ZNF875: variants seen among roughly 807,000 people sequenced by gnomAD.
The protein encoded by ZNF875 is HKR1, GLI-Kruppel zinc finger family member.
A neutral mutation model predicts 11.2 loss-of-function variants in ZNF875; 14 were observed. The ratio of observed to expected loss-of-function variants is 1.26; its 90% CI spans 0.83 to 1.96. The LOEUF is 1.96. Ranked by LOEUF, ZNF875 falls within the 30% of genes most tolerant of loss-of-function variation. ZNF875 has a pLI of 0.00. For missense variants in ZNF875, 752 were observed against 760.4 expected, an observed-to-expected ratio of 0.99 and a Z score of 0.13; for synonymous variants, 301 against 281.1, an observed-to-expected ratio of 1.07 and a Z score of -0.71.
At chr19:37,346,062 C>T (rs995388516) in intron 2 of ZNF875, among the ~76,000 whole-genome samples, 36 of 152,114 alleles carry the variant, frequency 2.4e-4, no homozygotes, top group African/African-American at 8.7e-4. Flanking sequence ...CAGCCATGCA[C>T]ATGGAACTGA....
intron 2 of ZNF875, chr19:37,337,861 A>T (rs1303197031): frequency 6.6e-6 from 1 of 152,152 alleles, no homozygotes; most frequent in East Asian, 1.9e-4. Flanking sequence ...GTCATTTTTG[A>T]TATGGGTTAA....
upstream of ZNF875, chr19:37,315,598 C>T (rs893695643): frequency 6.6e-6 from 1 of 152,014 alleles, no homozygotes; most frequent in African/African-American, 2.4e-5. Flanking sequence ...GATAACCACA[C>T]AAAAGAGGAG....
Position 37,362,500 on chromosome 19 carries a change from T to C in ZNF875, c.648T>C (p.His216=), listed in dbSNP as rs778981164. The C allele has an allele frequency of 8.7e-5, 141 of 1,614,082 alleles. No homozygotes were observed. Among genetic ancestry groups the C allele is most frequent in the Non-Finnish European group, 1.2e-4 (139 of 1,180,038 alleles). The change falls in exon 5 of 5, where the codon CAT becomes CAC. Residue 216 remains histidine, a synonymous_variant. Coordinates refer to ENST00000392153, the MANE Select transcript of ZNF875 (RefSeq NM_001353803.2). ...ADLEETDKVL[H]GLEVSGFGEI... is the part of the protein sequence containing the mutation. ...TAGAGGAAACAGACAAAGTATTGCATGGTTTAGAAGTCTCAGGATTTGGAG... is the reference window on the plus strand; with the variant it reads ...TAGAGGAAACAGACAAAGTATTGCACGGTTTAGAAGTCTCAGGATTTGGAG...
At chr19:37,340,806 G>A (rs748759220) in intron 2 of ZNF875, among the ~76,000 whole-genome samples, 3 of 151,764 alleles carry the variant, frequency 2.0e-5, no homozygotes, top group Middle Eastern at 3.4e-3. Flanking sequence ...CGACCACCAC[G>A]CCCGGCTAAT....
At chr19:37,334,941 C>T (rs1305401656) in intron 1 of ZNF875, 159 bp downstream of exon 1, 5 of 468,670 alleles carry the variant, frequency 1.1e-5, no homozygotes, top group Non-Finnish European at 2.0e-5. Flanking sequence ...TAGAGATAAA[C>T]CCTCACTCCG....
upstream of ZNF875, chr19:37,334,620 C>A (rs1263447068): frequency 2.2e-6 from 1 of 453,570 alleles, no homozygotes; most frequent in Admixed American, 2.4e-5. Context: ...CCTCCCTACC[C>A]TTCAGTGTGT....
Position 37,362,748 on chromosome 19 carries a change from C to T in ZNF875, c.896C>T (p.Thr299Ile). The change falls in exon 5 of 5, where the codon ACA becomes ATA. Residue 299 changes from threonine (T) to isoleucine (I), a missense_variant. Coordinates refer to ENST00000392153, the MANE Select transcript of ZNF875 (RefSeq NM_001353803.2). ...TTTACGTGGAAGTCAAACCTGATCA[C>T]ACATCAGAGGACACACTCAGGGGAG... ...RGFTWKSNLI[T>I]HQRTHSGEKP... 6.2e-7 allele frequency: 1 copy of T among 1,612,116 alleles called. No individual in the cohort carries two copies. The highest frequency in any genetic ancestry group is 8.5e-7 in the Non-Finnish European group (1 of 1,179,288).
intron 4 of ZNF875, 106 bp from the exon 5 acceptor site, chr19:37,362,003 C>T: frequency 1.4e-6 from 1 of 692,452 alleles, no homozygotes; most frequent in Non-Finnish European, 2.6e-6. Flanking sequence ...TGGGAGATAG[C>T]TTGTGATGTA....
At chr19:37,314,133 G>C (rs945147971), upstream of ZNF875, among the ~76,000 whole-genome samples, 3 of 151,726 alleles carry the variant, frequency 2.0e-5, no homozygotes, top group African/African-American at 7.3e-5. Context: ...ATTTTTTTTA[G>C]ACATGGTCTC....
upstream of ZNF875, chr19:37,314,821 G>A (rs1426500566): frequency 6.6e-6 from 1 of 150,736 alleles, no homozygotes; most frequent in Non-Finnish European, 1.5e-5. Context: ...GTATAAAAAT[G>A]TGGACTAGAC....
At chr19:37,338,286 C>T (rs2145996508) in intron 2 of ZNF875, among the ~76,000 whole-genome samples, 2 of 152,280 alleles carry the variant, frequency 1.3e-5, no homozygotes, top group Middle Eastern at 6.8e-3. Flanking sequence ...CCACGCCCGG[C>T]TAATTTTTAT....
At chr19:37,332,976 T>C (rs939265027), upstream of ZNF875, among the ~76,000 whole-genome samples, 6 of 152,230 alleles carry the variant, frequency 3.9e-5, no homozygotes, top group Non-Finnish European at 5.9e-5. Context: ...TCACCTTTCA[T>C]TTAAATGAAT....
intron 4 of ZNF875, chr19:37,358,517 CTTTTTT>C (rs35583622): frequency 4.3e-4 from 61 of 143,388 alleles, no homozygotes; most frequent in African/African-American, 1.5e-3. Flanking sequence ...TCAGTTCTCA[CTTTTTT>C]TTTTTTTCTT....
intron 4 of ZNF875, among the ~76,000 whole-genome samples, chr19:37,324,441 C>T: frequency 6.6e-6 from 1 of 152,148 alleles, no homozygotes; most frequent in East Asian, 1.9e-4. Context: ...TTTAAAATTA[C>T]TGCCAGGTTT....
chr19:37,328,632 T>C (rs1168484736), intron 4 of ZNF875: 1 of 152,226 alleles, frequency 6.6e-6, no homozygotes, highest in Non-Finnish European at 1.5e-5. Context: ...ACTTTCCCAG[T>C]GTTCAGAACC....
At chr19:37,326,076 A>G (rs2032383524) in intron 4 of ZNF875, among the ~76,000 whole-genome samples, 1 of 152,086 alleles carries the variant, frequency 6.6e-6, no homozygotes. Context: ...TTCCTGGCTC[A>G]AGCAGTCCTC....
intron 4 of ZNF875, 55 bp from the exon 5 acceptor site, chr19:37,362,054 A>C: frequency 8.2e-7 from 1 of 1,220,564 alleles, no homozygotes; most frequent in Non-Finnish European, 1.2e-6. Flanking sequence ...GGCAAGGCAA[A>C]ATTGCCTACA....
upstream of ZNF875, among the ~76,000 whole-genome samples, chr19:37,314,547 G>T (rs992100573): frequency 2.0e-5 from 3 of 152,150 alleles, no homozygotes; most frequent in Admixed American, 6.5e-5. Flanking sequence ...ATCTTGGACT[G>T]GGTATGGTGG....
intron 4 of ZNF875, among the ~76,000 whole-genome samples, chr19:37,352,047 A>G (rs1467217792): frequency 1.3e-5 from 2 of 152,122 alleles, no homozygotes; most frequent in Non-Finnish European, 2.9e-5. Context: ...CTCTGTAGTG[A>G]TCTCTAAGGT....
Sources: allele counts gnomAD v4.1 joint callset (sites outside exome capture counted in the v4.1 genomes callset), GRCh38; gene constraint gnomAD v4.1.1; transcripts MANE v1.5; gene names NCBI Gene and HGNC (gene_info 2026-07-23, HGNC 2026-07-21).